Variants in ABLIM1 observed in about 807,000 individuals in gnomAD.
The protein encoded by ABLIM1 is actin binding LIM protein 1.
ABLIM1 carries 40 observed loss-of-function variants against 107.0 expected under a neutral mutation model. That is an observed-to-expected ratio of 0.37 (90% CI 0.29 to 0.49). ABLIM1 has a LOEUF of 0.49. ABLIM1 is among the 20% of genes least tolerant of loss of function. The pLI is 0.97. For synonymous variants in ABLIM1, 357 were observed against 357.3 expected, an observed-to-expected ratio of 1.00 and a Z score of 0.01; for missense variants, 857 against 1,008.5, an observed-to-expected ratio of 0.85 and a Z score of 2.04.
intron 10 of ABLIM1, among the ~76,000 whole-genome samples, chr10:114,468,431 C>A (rs1446233893): frequency 2.0e-5 from 3 of 152,140 alleles, no homozygotes; most frequent in Non-Finnish European, 2.9e-5. Context: ...CCGCCACCAC[C>A]CCCAGCTACT....
intron 1 of ABLIM1, among the ~76,000 whole-genome samples, chr10:114,710,855 A>G (rs1168715413): frequency 1.3e-5 from 2 of 152,202 alleles, no homozygotes; most frequent in Non-Finnish European, 2.9e-5. Context: ...AACACAAGGG[A>G]CCATATTTGC....
At chr10:114,786,703 G>A in the ABLIM1 span, among the ~76,000 whole-genome samples, 2 of 152,184 alleles carry the variant, frequency 1.3e-5, no homozygotes, top group Admixed American at 6.5e-5. Flanking sequence ...AATCTGGTTG[G>A]CCAGGCTGGT....
At chr10:114,605,748 T>C (rs886818637) in intron 1 of ABLIM1, among the ~76,000 whole-genome samples, 6 of 152,106 alleles carry the variant, frequency 3.9e-5, no homozygotes, top group Admixed American at 2.6e-4. Context: ...GGTAACGGGA[T>C]TCCTCCACTG....
chr10:114,504,805 A>G (rs1306494621), intron 6 of ABLIM1, among the ~76,000 whole-genome samples: 1 of 152,216 alleles, frequency 6.6e-6, no homozygotes, highest in African/African-American at 2.4e-5. Flanking sequence ...ACTTTCTGAA[A>G]AATCCTCAGA....
rs534566812 is a variant in ABLIM1 at position 114,590,072 on chromosome 10, C to T, written c.379+11755G>A. On this transcript the variant is annotated intron_variant, in intron 2 of 22. Transcript: ENST00000533213. The stretch of plus-strand genomic sequence containing the variant: ...CTATATTTAGATATGTTTAGATACA[C>T]AAATACTTACCATTGGGTTACAATT... 6.6e-5 allele frequency among the ~76,000 whole-genome samples: 10 copies of T among 152,236 alleles called. No homozygotes were observed. The South Asian group carries it at 2.1e-3, about 32-fold the overall frequency.
chr10:114,684,511 C>T (rs1050723407), exon 1 of ABLIM1: 27 of 1,417,404 alleles, frequency 1.9e-5, no homozygotes, highest in Non-Finnish European at 2.5e-5. Flanking sequence ...GGTGGGTGTG[C>T]CACAGCCAGC....
the ABLIM1 span, chr10:114,778,214 A>C: frequency 6.6e-6 from 1 of 152,538 alleles, no homozygotes; most frequent in Non-Finnish European, 1.5e-5. Flanking sequence ...AAATACAAAA[A>C]TTAGCCGGGC....
chr10:114,721,638 C>A (rs369283727), intron 1 of ABLIM1, among the ~76,000 whole-genome samples: 27 of 152,086 alleles, frequency 1.8e-4, no homozygotes, highest in Non-Finnish European at 3.8e-4. Flanking sequence ...TGCACCACTA[C>A]GTCTGGCTAA....
At chr10:114,563,821 G>A (rs1271650511) in intron 4 of ABLIM1, among the ~76,000 whole-genome samples, 2 of 141,270 alleles carry the variant, frequency 1.4e-5, no homozygotes, top group African/African-American at 5.5e-5. Context: ...ACTCCAGCCT[G>A]GGTGACAAAG....
chr10:114,768,361 C>A (rs1474816274), upstream of ABLIM1, among the ~76,000 whole-genome samples: 1 of 149,776 alleles, frequency 6.7e-6, no homozygotes, highest in Non-Finnish European at 1.5e-5. Flanking sequence ...GTCCAGCAGC[C>A]GCTCTGCCGC....
chr10:114,440,992 C>A (rs1270160795), intron 19 of ABLIM1, 25 bp downstream of exon 19: 5 of 1,575,984 alleles, frequency 3.2e-6, no homozygotes, highest in Non-Finnish European at 4.3e-6. Flanking sequence ...CGTGGCCATG[C>A]TCAGCCTGGC....
In ABLIM1 at chr10:114,640,668, T is replaced by C. The variant is rs573074460; in HGVS notation, c.244+17289A>G. ...GACCCGTGTAATACAAATTGTGTAATTTCAGTGATTCCATTGAGTTAAAAG... is the reference window on the plus strand; with the variant it reads ...GACCCGTGTAATACAAATTGTGTAACTTCAGTGATTCCATTGAGTTAAAAG... On this transcript the variant is annotated intron_variant, in intron 1 of 22. Coordinates refer to ENST00000533213, the MANE Select transcript of ABLIM1 (RefSeq NM_002313.7). Among the ~76,000 whole-genome samples the C allele has an allele frequency of 7.2e-4, 109 of 152,354 alleles. 1 individual carries two copies. The highest frequency in any genetic ancestry group is 4.4e-3 in the South Asian group (21 of 4,822).
chr10:114,787,640 C>T, the ABLIM1 span, among the ~76,000 whole-genome samples: 14 of 142,524 alleles, frequency 9.8e-5, no homozygotes, highest in South Asian at 2.3e-4. Context: ...TGCCTCTGCC[C>T]GGCCGCCCCT....
intron 4 of ABLIM1, among the ~76,000 whole-genome samples, chr10:114,549,535 T>A (rs1194939017): frequency 6.6e-6 from 1 of 152,188 alleles, no homozygotes; most frequent in Middle Eastern, 3.2e-3. Context: ...TTCTTTTTTT[T>A]TAATGACAGG....
intron 6 of ABLIM1, among the ~76,000 whole-genome samples, chr10:114,522,736 G>T (rs577331796): frequency 6.6e-6 from 1 of 152,326 alleles, no homozygotes; most frequent in Admixed American, 6.5e-5. Flanking sequence ...GAATAATAAA[G>T]CAGCAGGGTT....
intron 4 of ABLIM1, among the ~76,000 whole-genome samples, chr10:114,560,334 C>T (rs138754410): frequency 1.3e-5 from 2 of 152,320 alleles, no homozygotes; most frequent in Non-Finnish European, 2.9e-5. Flanking sequence ...GAAGTACAGT[C>T]ATGCACCACA....
At chr10:114,678,719 C>T (rs2080605918) in intron 1 of ABLIM1, among the ~76,000 whole-genome samples, 1 of 152,190 alleles carries the variant, frequency 6.6e-6, no homozygotes, top group African/African-American at 2.4e-5. Flanking sequence ...TATTTCTTAG[C>T]TGTTTGCTCT....
chr10:114,530,529 T>A (rs911694378), intron 6 of ABLIM1, among the ~76,000 whole-genome samples: 18 of 152,096 alleles, frequency 1.2e-4, no homozygotes, highest in South Asian at 4.2e-4. Context: ...AAATAAATAT[T>A]TATTTATTTA....
chr10:114,472,438 T>G (rs1421054811), intron 10 of ABLIM1, among the ~76,000 whole-genome samples: 1 of 152,068 alleles, frequency 6.6e-6, no homozygotes, highest in African/African-American at 2.4e-5. Flanking sequence ...AGTCAAACAA[T>G]CGGCATGTGG....
Sources: allele counts gnomAD v4.1 joint callset (sites outside exome capture counted in the v4.1 genomes callset), GRCh38; gene constraint gnomAD v4.1.1; transcripts MANE v1.5; gene names NCBI Gene and HGNC (gene_info 2026-07-23, HGNC 2026-07-21).